Variants in PARN observed in about 807,000 individuals in gnomAD.
The protein encoded by PARN is poly(A)-specific ribonuclease PARN.
A neutral mutation model predicts 102.8 loss-of-function variants in PARN; 71 were observed. The observed-to-expected ratio is 0.69, with a 90% CI of 0.57 to 0.84. PARN has a LOEUF of 0.84. Among genes scored for constraint, PARN ranks in the 40% least tolerant of loss-of-function variants. The pLI is 0.00. For synonymous variants in PARN, 261 were observed against 252.9 expected, an observed-to-expected ratio of 1.03 and a Z score of -0.30; for missense variants, 782 against 760.9, an observed-to-expected ratio of 1.03 and a Z score of -0.33.
rs185436345 is a variant in PARN at position 14,443,436 on chromosome 16, G to A, written c.1864+3452C>T. Among the ~76,000 whole-genome samples, 157 of 151,678 alleles carry A rather than the reference G, an allele frequency of 1.0e-3. 1 individual carries two copies. Among genetic ancestry groups the A allele is most frequent in the African/African-American group, 3.5e-3 (144 of 41,264 alleles). ...GCTCACTGCAACCTCTGCCTCCCTG[G>A]TTCAAGCGATTCTCCTGCCTCAGCC... On this transcript the variant is annotated intron_variant, in intron 23 of 23. Transcript: ENST00000437198.
intron 21 of PARN, among the ~76,000 whole-genome samples, chr16:14,483,550 G>C (rs1963494139): frequency 1.3e-5 from 2 of 152,044 alleles, no homozygotes; most frequent in South Asian, 4.1e-4. Context: ...TTTTTTAAAT[G>C]ATCAGGCTTT....
At chr16:14,605,064 T>A (rs1003255224) in intron 10 of PARN, among the ~76,000 whole-genome samples, 22 of 152,188 alleles carry the variant, frequency 1.4e-4, no homozygotes, top group Middle Eastern at 3.4e-3. Flanking sequence ...CTCAGCCTCC[T>A]GAGTAGCTGG....
At chr16:14,516,163 AT>A (rs1965446514) in intron 21 of PARN, among the ~76,000 whole-genome samples, 1 of 152,012 alleles carries the variant, frequency 6.6e-6, no homozygotes, top group Non-Finnish European at 1.5e-5. Context: ...AAGATAAAAA[AT>A]TTTAAAACCA....
At chr16:14,531,651 A>G (rs1399149017) in intron 21 of PARN, among the ~76,000 whole-genome samples, 3 of 152,170 alleles carry the variant, frequency 2.0e-5, no homozygotes, top group East Asian at 3.8e-4. Context: ...TACGTCCGTC[A>G]ATTTCATCTA....
intron 6 of PARN, among the ~76,000 whole-genome samples, chr16:14,616,979 C>T (rs1051721504): frequency 9.9e-5 from 15 of 151,024 alleles, no homozygotes; most frequent in African/African-American, 2.7e-4. Context: ...ATAAACTGCA[C>T]TCGATAAAAA....
intron 21 of PARN, among the ~76,000 whole-genome samples, chr16:14,487,071 C>T (rs1317210937): frequency 6.6e-6 from 1 of 152,240 alleles, no homozygotes; most frequent in Non-Finnish European, 1.5e-5. Flanking sequence ...CCGGCCCACC[C>T]GGGGCATCCG....
intron 21 of PARN, among the ~76,000 whole-genome samples, chr16:14,550,605 G>C (rs780115615): frequency 2.6e-5 from 4 of 152,168 alleles, no homozygotes; most frequent in Non-Finnish European, 4.4e-5. Flanking sequence ...TCCTGCAACA[G>C]TCAGATAATG....
chr16:14,497,892 G>A (rs1036847906), intron 21 of PARN, among the ~76,000 whole-genome samples: 3 of 152,154 alleles, frequency 2.0e-5, no homozygotes, highest in Non-Finnish European at 4.4e-5. Context: ...GGGAGGCCAA[G>A]GCAGGTGGAT....
chr16:14,537,804 C>T (rs960293084), intron 21 of PARN, among the ~76,000 whole-genome samples: 7 of 151,964 alleles, frequency 4.6e-5, no homozygotes, highest in African/African-American at 1.2e-4. Context: ...GATAGAGAGA[C>T]GCTGGTTAAT....
At chr16:14,468,283 T>G (rs776745233) in intron 22 of PARN, among the ~76,000 whole-genome samples, 1 of 152,158 alleles carries the variant, frequency 6.6e-6, no homozygotes, top group Non-Finnish European at 1.5e-5. Flanking sequence ...CAAAACAAAA[T>G]AGAAAAGTGT....
chr16:14,555,692 A>T lies in PARN; in HGVS notation c.1280T>A (p.Val427Asp). ...PFFNKLFLMRVMDIPYLNLEG... is the reference protein window; with the variant it reads ...PFFNKLFLMRDMDIPYLNLEG... ...CAAGTTTAGATAGGGGATATCCATG[A>T]CCCTCATAAGAAATAACCTACAAGA... is the stretch of plus-strand genomic sequence containing the variant. Residue 427 changes from valine (V) to aspartate (D), a missense_variant, in exon 19 of 24, where the codon GTC (valine) becomes GAC (aspartate). Physicochemically the swap from Val to Asp is radical, Grantham distance 152. Transcript: ENST00000437198. The T allele has an allele frequency of 6.7e-7, 1 of 1,488,308 alleles. No homozygotes were observed. The highest frequency in any genetic ancestry group is 9.1e-7 in the Non-Finnish European group (1 of 1,095,278). The allele number at this position is 1,488,308 out of a possible 1,614,324, so 92.2% of individuals were successfully genotyped here.
Position 14,468,878 on chromosome 16 carries a change from A to AATAGATAGATAG in PARN, c.1670+13748_1670+13759dup, listed in dbSNP as rs59011829. Reference sequence around the variant, plus strand: ...GCAACACAGCAAGATCCCATTACTAAATAGATAGATAGATAGATAGATAGA... The same window carrying AATAGATAGATAG: ...GCAACACAGCAAGATCCCATTACTAAATAGATAGATAGATAGATAGATAGATAGATAGATAGA... On this transcript the variant is annotated intron_variant, in intron 22 of 23. Coordinates refer to ENST00000437198, the MANE Select transcript of PARN (RefSeq NM_002582.4). 8.2e-3 allele frequency among the ~76,000 whole-genome samples: 1,146 copies of AATAGATAGATAG among 139,696 alleles called. 7 individuals carry two copies. The highest frequency in any genetic ancestry group is 0.011 in the East Asian group (50 of 4,738). 91.6% of individuals were successfully genotyped at this position (139,696 alleles called of 152,430 possible).
chr16:14,542,744 C>T (rs927036308), intron 21 of PARN, among the ~76,000 whole-genome samples: 2 of 152,056 alleles, frequency 1.3e-5, no homozygotes, highest in African/African-American at 4.8e-5. Context: ...AGGAAAGAGT[C>T]AGTGATCCTG....
intron 21 of PARN, among the ~76,000 whole-genome samples, chr16:14,536,376 A>T (rs974765512): frequency 3.3e-4 from 51 of 152,324 alleles, no homozygotes; most frequent in African/African-American, 1.2e-3. Flanking sequence ...ACGACAAAAC[A>T]TTAAAAGCCT....
rs77787143 is a variant in PARN, at chr16:14,525,195, A to G, written c.1480+26826T>C. On this transcript the variant is annotated intron_variant, in intron 21 of 23. Transcript: ENST00000437198. ...TAAGCTAGTAAATGCGCCTCTCTAC[A>G]GATGAGGAAGTAAATGCATCAAAGG... 3.9e-3 allele frequency among the ~76,000 whole-genome samples: 596 copies of G among 152,336 alleles called. 5 individuals carry two copies. Among genetic ancestry groups the G allele is most frequent in the African/African-American group, 0.013 (561 of 41,572 alleles).
intron 18 of PARN, among the ~76,000 whole-genome samples, chr16:14,559,172 T>C (rs1229385850): frequency 6.6e-6 from 1 of 151,934 alleles, no homozygotes; most frequent in African/African-American, 2.4e-5. Context: ...GGAAGGATTA[T>C]ACTAACAAAG....
rs181374430 is a variant in PARN at position 14,621,795 on chromosome 16, G to T, written c.328-4145C>A. On this transcript the variant is annotated intron_variant, in intron 5 of 23. Transcript: ENST00000437198. Reference sequence around the variant, plus strand: ...CACTGCACTCCAGCCTGGGCGACAGGGGCTTCGTCTCAAAAAAAAAAAAAA... The same window carrying T: ...CACTGCACTCCAGCCTGGGCGACAGTGGCTTCGTCTCAAAAAAAAAAAAAA... 1.6e-3 allele frequency among the ~76,000 whole-genome samples: 233 copies of T among 144,720 alleles called. 1 individual carries two copies. Among genetic ancestry groups the T allele is most frequent in the African/African-American group, 5.6e-3 (221 of 39,220 alleles). 94.9% of individuals were successfully genotyped at this position (144,720 alleles called of 152,430 possible). A position where few individuals can be genotyped will look rare whatever the true frequency, so the allele number is the denominator to read the frequency against.
intron 22 of PARN, among the ~76,000 whole-genome samples, chr16:14,467,922 C>T (rs1962462805): frequency 6.6e-6 from 1 of 152,206 alleles, no homozygotes; most frequent in African/African-American, 2.4e-5. Flanking sequence ...GGATCTCCTG[C>T]TCATTCATTT....
chr16:14,479,920 C>CA (rs58833234), intron 22 of PARN, among the ~76,000 whole-genome samples: 1,156 of 102,818 alleles, frequency 0.011, 5 homozygotes, highest in Admixed American at 0.019. Flanking sequence ...AACCTTCTAC[C>CA]AAAAAAAAAA....
Sources: allele counts gnomAD v4.1 joint callset (sites outside exome capture counted in the v4.1 genomes callset), GRCh38; gene constraint gnomAD v4.1.1; transcripts MANE v1.5; gene names NCBI Gene and HGNC (gene_info 2026-07-23, HGNC 2026-07-21).